The following ITPK1 variants were observed in gnomAD, a reference collection of about 807,000 sequenced individuals.
ITPK1 encodes inositol 1,3,4-trisphosphate 5/6-kinase.
Under a neutral mutation model 45.3 loss-of-function variants are expected in ITPK1, and 21 were observed. The observed-to-expected ratio is 0.46, with a 90% confidence interval of 0.33 to 0.67. ITPK1 has a LOEUF of 0.67. Ranked by LOEUF, ITPK1 falls within the 30% of genes least tolerant of loss-of-function variation. The pLI, the probability that ITPK1 is intolerant of heterozygous loss-of-function variation, is 0.02. For missense variants in ITPK1, 474 were observed against 573.5 expected (o/e 0.83, Z 1.77); for synonymous variants, 258 against 253.6 (o/e 1.02, Z -0.16).
chr14:93,068,219 G>C (rs1028363876), intron 3 of ITPK1: 7 of 152,214 alleles, frequency 4.6e-5, no homozygotes, highest in Non-Finnish European at 1.0e-4. Flanking sequence ...AAGATCCACA[G>C]CCAGGAAACA....
At chr14:93,089,550 G>A (rs1891785840) in intron 2 of ITPK1, among the ~76,000 whole-genome samples, 1 of 152,062 alleles carries the variant, frequency 6.6e-6, no homozygotes. Context: ...TGTGGGGAAG[G>A]CAGTAGGGCT....
At chr14:92,995,766 T>C (rs1016835647) in intron 4 of ITPK1, among the ~76,000 whole-genome samples, 2 of 152,206 alleles carry the variant, frequency 1.3e-5, no homozygotes, top group Admixed American at 1.3e-4. Context: ...CAGGCACTGA[T>C]GCGGGAGAGC....
rs1320979245 is a variant in ITPK1 at position 93,063,780 on chromosome 14, TCA to T, written c.120+12813_120+12814del. Among the ~76,000 whole-genome samples the T allele has an allele frequency of 2.6e-5, 4 of 152,162 alleles. No individual in the cohort carries two copies. Among genetic ancestry groups the T allele is most frequent in the Non-Finnish European group, 5.9e-5 (4 of 68,034 alleles). Reference sequence around the variant, plus strand: ...TGTGACAAGCCCACCTGTGTGAGCCTCAGTCCTCTCACCTGGCAAGTGGGGCA... The same window carrying T: ...TGTGACAAGCCCACCTGTGTGAGCCTGTCCTCTCACCTGGCAAGTGGGGCA... On this transcript the variant is annotated intron_variant, in intron 3 of 10. Transcript: ENST00000267615. The surrounding 1 kb of genome is among the most constrained non-coding windows in gnomAD (Gnocchi z 4.3).
rs775760947 is a variant in ITPK1 at position 92,941,468 on chromosome 14, G to C, written c.*93C>G. The C allele has an allele frequency of 7.7e-6, 11 of 1,437,042 alleles. No individual in the cohort carries two copies. Among genetic ancestry groups the C allele is most frequent in the Non-Finnish European group, 1.0e-5 (11 of 1,102,798 alleles). 89.0% of individuals were successfully genotyped at this position (1,437,042 alleles called of 1,614,324 possible). A position where few individuals can be genotyped will look rare whatever the true frequency, so the allele number is the denominator to read the frequency against. ...AAAAAACAGAAGAATCAGATCACTG[G>C]GGATTCTTAGTAGTAGCATCGCCGT... On this transcript the variant is annotated 3_prime_UTR_variant, in exon 11 of 11. Transcript: ENST00000267615.
intron 2 of ITPK1, among the ~76,000 whole-genome samples, chr14:93,077,528 G>A (rs1258569116): frequency 6.6e-6 from 1 of 152,116 alleles, no homozygotes; most frequent in Non-Finnish European, 1.5e-5. Flanking sequence ...ATGTTGGCCA[G>A]GCTGGTCTCA....
chr14:93,101,576 C>T (rs1466851721), intron 2 of ITPK1, among the ~76,000 whole-genome samples: 23 of 152,174 alleles, frequency 1.5e-4, no homozygotes, highest in Non-Finnish European at 1.5e-5. Flanking sequence ...AGGCCGGGCA[C>T]GGTGGTTCAC....
At chr14:93,002,841 A>C (rs1887420014) in intron 4 of ITPK1, among the ~76,000 whole-genome samples, 1 of 152,226 alleles carries the variant, frequency 6.6e-6, no homozygotes, top group African/African-American at 2.4e-5. Context: ...CTGAGACTGC[A>C]GCTCCCTTTC....
chr14:93,023,680 C>T (rs1284840150), intron 3 of ITPK1, among the ~76,000 whole-genome samples: 3 of 152,166 alleles, frequency 2.0e-5, no homozygotes, highest in Non-Finnish European at 4.4e-5. Context: ...CAGGATTTAG[C>T]TATGATTTTT....
At chr14:93,005,655 T>C (rs148871166) in intron 4 of ITPK1, among the ~76,000 whole-genome samples, 2 of 152,352 alleles carry the variant, frequency 1.3e-5, no homozygotes, top group Non-Finnish European at 2.9e-5. Flanking sequence ...TAACTGGTAC[T>C]GCTTCTGCAG....
At chr14:92,979,385 G>C (rs963935551) in intron 5 of ITPK1, among the ~76,000 whole-genome samples, 1 of 152,184 alleles carries the variant, frequency 6.6e-6, no homozygotes, top group Non-Finnish European at 1.5e-5. Context: ...TTAAGACTTT[G>C]GGGGGCTGTT....
intron 5 of ITPK1, among the ~76,000 whole-genome samples, chr14:92,990,769 G>C (rs1438421314): frequency 6.6e-6 from 1 of 152,118 alleles, no homozygotes; most frequent in Non-Finnish European, 1.5e-5. Flanking sequence ...GGAGACAGAC[G>C]GCCCACCTGA....
At chr14:93,088,277 A>G (rs1360612942) in intron 2 of ITPK1, among the ~76,000 whole-genome samples, 2 of 149,904 alleles carry the variant, frequency 1.3e-5, no homozygotes, top group Admixed American at 1.3e-4. Context: ...TCCCCCTCAC[A>G]CTGGATCTCA....
rs1889132085 is a variant in ITPK1, at chr14:93,032,690, G to C, written c.121-15889C>G. Among the ~76,000 whole-genome samples, 1 of 152,200 alleles carries C rather than the reference G, an allele frequency of 6.6e-6. No homozygotes were observed. The highest frequency in any genetic ancestry group is 1.5e-5 in the Non-Finnish European group (1 of 68,038). On this transcript the variant is annotated intron_variant, in intron 3 of 10. Transcript: ENST00000267615. This position sits in a 1 kb window ranked among gnomAD's most constrained non-coding sequence, Gnocchi z 4.0. ...CATACACACCATGCTGGGCGGGGCAGCTTGATGCCCTTGAATATCTTCCGA... is the reference window on the plus strand; with the variant it reads ...CATACACACCATGCTGGGCGGGGCACCTTGATGCCCTTGAATATCTTCCGA...
intron 2 of ITPK1, among the ~76,000 whole-genome samples, chr14:93,096,339 T>A (rs1595212563): frequency 6.6e-6 from 1 of 152,354 alleles, no homozygotes; most frequent in Non-Finnish European, 1.5e-5. Context: ...CTGTCATCAC[T>A]TCATTTTCCG....
chr14:92,944,738 G>A (rs1303368013), intron 10 of ITPK1, among the ~76,000 whole-genome samples: 2 of 152,096 alleles, frequency 1.3e-5, no homozygotes, highest in African/African-American at 2.4e-5. Context: ...TATCCTGAAT[G>A]TCCCTTGCGC....
chr14:93,023,425 C>T (rs1242539364), intron 3 of ITPK1, among the ~76,000 whole-genome samples: 1 of 152,192 alleles, frequency 6.6e-6, no homozygotes, highest in Non-Finnish European at 1.5e-5. Context: ...TGGACAGAGC[C>T]CCCAGCTGGC....
intron 3 of ITPK1, among the ~76,000 whole-genome samples, chr14:93,048,646 A>G (rs755052319): frequency 2.1e-4 from 32 of 152,200 alleles, no homozygotes; most frequent in Admixed American, 1.3e-4. Context: ...ACCCTTTGAA[A>G]GAGAAGAAAC....
At chr14:92,990,273 C>T (rs1449795288) in intron 5 of ITPK1, among the ~76,000 whole-genome samples, 1 of 152,108 alleles carries the variant, frequency 6.6e-6, no homozygotes, top group African/African-American at 2.4e-5. Flanking sequence ...CATTTGCTTC[C>T]TTTTTCTTGA....
rs1892930811 is a variant in ITPK1 at position 93,115,887 on chromosome 14, G to T, written c.-258C>A. On this transcript the variant is annotated 5_prime_UTR_variant, in exon 1 of 11. Transcript: ENST00000267615. Reference sequence around the variant, plus strand: ...CCCTGCCCGCCGCCGCCCCGCGCTGGCCCGGCCGCCCCGCTTGAGCCCGCG... The same window carrying T: ...CCCTGCCCGCCGCCGCCCCGCGCTGTCCCGGCCGCCCCGCTTGAGCCCGCG... The T allele has an allele frequency of 1.4e-5, 2 of 145,322 alleles. No homozygotes were observed. Among genetic ancestry groups the T allele is most frequent in the Admixed American group, 1.4e-4 (2 of 14,634 alleles). The allele number at this position is 145,322 out of a possible 1,614,324, so 9.0% of individuals were successfully genotyped here. A position where few individuals can be genotyped will look rare whatever the true frequency, so the allele number is the denominator to read the frequency against.
Sources: allele counts gnomAD v4.1 joint callset (sites outside exome capture counted in the v4.1 genomes callset), GRCh38; gene constraint gnomAD v4.1.1; non-coding constraint Gnocchi (gnomAD v3.1); transcripts MANE v1.5; gene names NCBI Gene and HGNC (gene_info 2026-07-23, HGNC 2026-07-21).